The following ODR4 variants were observed in gnomAD, a reference collection of about 807,000 sequenced individuals.
The protein encoded by ODR4 is odr-4 GPCR localization factor homolog.
ODR4 carries 47 observed loss-of-function variants against 60.2 expected under a neutral mutation model. That is an observed-to-expected ratio of 0.78 (90% CI 0.62 to 1.00). ODR4 has a LOEUF of 1.00. Among genes scored for constraint, ODR4 ranks in the 50% least tolerant of loss-of-function variants. The pLI is 0.00. For synonymous variants in ODR4, 178 were observed against 175.5 expected (o/e 1.01, Z -0.11); for missense variants, 488 against 530.8 (o/e 0.92, Z 0.79).
chr1:186,391,215 G>C (rs1660456166), intron 7 of ODR4, among the ~76,000 whole-genome samples: 1 of 151,846 alleles, frequency 6.6e-6, no homozygotes, highest in Non-Finnish European at 1.5e-5. Flanking sequence ...ATACTGTTTG[G>C]ACTTTTAGCT....
chr1:186,418,870 A>G (rs1661685555), intron 13 of ODR4, 139 bp from the exon 14 acceptor site: 1 of 679,408 alleles, frequency 1.5e-6, no homozygotes, highest in Non-Finnish European at 2.6e-6. Context: ...GTATATACAT[A>G]TGTATGTCTA....
intron 9 of ODR4, among the ~76,000 whole-genome samples, chr1:186,394,640 G>A (rs922303804): frequency 1.3e-5 from 2 of 152,138 alleles, no homozygotes; most frequent in African/African-American, 4.8e-5. Context: ...GTGTTTGTAG[G>A]AAACTTTATT....
At chr1:186,393,171 A>G (rs1207611906) in intron 8 of ODR4, among the ~76,000 whole-genome samples, 1 of 152,182 alleles carries the variant, frequency 6.6e-6, no homozygotes, top group Non-Finnish European at 1.5e-5. Flanking sequence ...AAAAATAAAT[A>G]ATGGGTACTA....
chr1:186,382,344 G>T (rs1288506742), intron 2 of ODR4, among the ~76,000 whole-genome samples: 1 of 151,062 alleles, frequency 6.6e-6, no homozygotes, highest in African/African-American at 2.4e-5. Flanking sequence ...AGGATTGCTT[G>T]AGCCCAGGAG....
At position 186,386,008 on chromosome 1, in the gene ODR4, G is replaced by A. The variant is rs1660235790; in HGVS notation, c.255G>A (p.Gly85=). The A allele has an allele frequency of 6.3e-7, 1 of 1,599,478 alleles. No homozygotes were observed. The highest frequency in any genetic ancestry group is 8.5e-7 in the Non-Finnish European group (1 of 1,170,472). The part of the protein sequence containing the change: ...HACQVSRMLP[G]GLLVLGVFII... ...TTTAGGTATCCAGAATGCTACCAGG[G>A]GGACTTTTAGTTCTTGGAGTATTTA... The change falls in exon 4 of 14, where the codon GGG becomes GGA. Residue 85 remains glycine (G), a synonymous_variant. Coordinates refer to ENST00000287859, the MANE Select transcript of ODR4 (RefSeq NM_017847.6).
Position 186,386,123 on chromosome 1 carries a change from A to G in ODR4, c.330+40A>G, listed in dbSNP as rs565782442. On this transcript the variant is annotated intron_variant, in intron 4 of 13. Transcript: ENST00000287859. ...TCGAAAATTCTTAATGAAATCAGTT[A>G]TATGTTATTTTTACTGATTATGAGT... 3.3e-5 allele frequency: 39 copies of G among 1,198,816 alleles called. No homozygotes were observed. The East Asian group carries it at 8.7e-4, about 27-fold the overall frequency. 74.3% of individuals were successfully genotyped at this position (1,198,816 alleles called of 1,614,324 possible).
rs936832547 is a variant in ODR4, at chr1:186,375,974, G to C, written c.-20G>C. 41 of 205,446 alleles carry C rather than the reference G, an allele frequency of 2.0e-4. No homozygotes were observed. The highest frequency in any genetic ancestry group is 3.7e-4 in the Non-Finnish European group (35 of 95,188). 12.7% of individuals were successfully genotyped at this position (205,446 alleles called of 1,614,324 possible). On this transcript the variant is annotated splice_region_variant and 5_prime_UTR_variant, in exon 1 of 14. Coordinates refer to ENST00000287859, the MANE Select transcript of ODR4 (RefSeq NM_017847.6). ...GCCACGAGTGCACATTCTGAAAACA[G>C]GTAAGTCAGCCTAAGTGTAGTGTGT...
chr1:186,416,974 T>G (rs937801832), intron 12 of ODR4, among the ~76,000 whole-genome samples: 1 of 152,044 alleles, frequency 6.6e-6, no homozygotes, highest in Non-Finnish European at 1.5e-5. Flanking sequence ...TATTGTTACT[T>G]TTTTTTGAGA....
intron 12 of ODR4, among the ~76,000 whole-genome samples, chr1:186,414,646 A>C (rs1290739694): frequency 6.6e-6 from 1 of 151,510 alleles, no homozygotes; most frequent in South Asian, 2.1e-4. Context: ...CAGCCTCCTG[A>C]GTAGCTGGGA....
chr1:186,389,273 T>C (rs796736914), intron 5 of ODR4, among the ~76,000 whole-genome samples: 13 of 152,246 alleles, frequency 8.5e-5, no homozygotes, highest in African/African-American at 3.1e-4. Context: ...CTTTTTCTTA[T>C]GGAGAGTGTA....
intron 4 of ODR4, among the ~76,000 whole-genome samples, chr1:186,387,816 T>C (rs896948896): frequency 1.3e-5 from 2 of 152,188 alleles, no homozygotes; most frequent in Admixed American, 1.3e-4. Context: ...TTACCACCCC[T>C]TACATCAAGT....
At chr1:186,403,908 T>G (rs1571690111) in intron 11 of ODR4, among the ~76,000 whole-genome samples, 1 of 152,150 alleles carries the variant, frequency 6.6e-6, no homozygotes, top group South Asian at 2.1e-4. Context: ...CCCAGAACAT[T>G]TGTAATCCTG....
intron 2 of ODR4, among the ~76,000 whole-genome samples, chr1:186,381,813 A>G (rs1170747507): frequency 2.0e-5 from 3 of 152,044 alleles, no homozygotes; most frequent in Admixed American, 6.5e-5. Context: ...TATACATTTT[A>G]TGAAGAAAAG....
chr1:186,407,952 T>A (rs945711199), intron 12 of ODR4, among the ~76,000 whole-genome samples: 1 of 151,866 alleles, frequency 6.6e-6, no homozygotes, highest in African/African-American at 2.4e-5. Context: ...TTTCAAAGAG[T>A]TTAAAAATTA....
chr1:186,421,860 T>C (rs1411307352), downstream of ODR4, among the ~76,000 whole-genome samples: 1 of 32,402 alleles, frequency 3.1e-5, no homozygotes, highest in African/African-American at 1.3e-4. Context: ...AGACTCTATC[T>C]CAAAAAAAAA....
rs1202667013 is a variant in ODR4, at chr1:186,420,257, C to T, written c.*1181C>T. The T allele has an allele frequency of 2.0e-5, 3 of 152,164 alleles. No individual in the cohort carries two copies. Among genetic ancestry groups the T allele is most frequent in the Admixed American group, 6.5e-5 (1 of 15,282 alleles). 9.4% of individuals were successfully genotyped at this position (152,164 alleles called of 1,614,324 possible). Reference sequence around the variant, plus strand: ...AGCAACATTGTCATATGCAGTTTGCCTCAAATCAGAAACAAGAAGACATCG... The same window carrying T: ...AGCAACATTGTCATATGCAGTTTGCTTCAAATCAGAAACAAGAAGACATCG... On this transcript the variant is annotated 3_prime_UTR_variant, in exon 14 of 14. Transcript: ENST00000287859.
rs1336440534 is a variant in ODR4 at position 186,419,060 on chromosome 1, A to G, written c.1349A>G (p.His450Arg). ...VAVLAAGISFHYFSD is the reference protein window; with the variant it reads ...VAVLAAGISFRYFSD ...GTCCTTGCTGCGGGTATCTCCTTTC[A>G]TTACTTCAGTGATTAGGGTGAGGCA... Residue 450 changes from histidine to arginine, a missense_variant, in exon 14 of 14, where the codon CAT (histidine) becomes CGT (arginine). Transcript: ENST00000287859. 5.0e-6 allele frequency: 8 copies of G among 1,610,836 alleles called. No individual in the cohort carries two copies. The highest frequency in any genetic ancestry group is 6.8e-6 in the Non-Finnish European group (8 of 1,178,514).
chr1:186,421,947 C>A, downstream of ODR4, among the ~76,000 whole-genome samples: 2 of 146,546 alleles, frequency 1.4e-5, no homozygotes. Flanking sequence ...TAACCTAGTA[C>A]AAATAAAGAA....
intron 12 of ODR4, among the ~76,000 whole-genome samples, chr1:186,410,692 A>G (rs1241781224): frequency 2.0e-5 from 3 of 152,232 alleles, no homozygotes; most frequent in Admixed American, 2.0e-4. Context: ...TCTATAATAT[A>G]CAGTAACGAA....
Sources: allele counts gnomAD v4.1 joint callset (sites outside exome capture counted in the v4.1 genomes callset), GRCh38; gene constraint gnomAD v4.1.1; transcripts MANE v1.5; gene names NCBI Gene and HGNC (gene_info 2026-07-23, HGNC 2026-07-21).